The following HOOK1 variants were observed in gnomAD, a reference collection of about 807,000 sequenced individuals.
HOOK1 encodes the protein protein Hook homolog 1.
HOOK1 carries 60 observed loss-of-function variants against 112.8 expected under a neutral mutation model. The observed-to-expected ratio is 0.53, with a 90% CI of 0.43 to 0.66. HOOK1 has a LOEUF of 0.66. Among genes scored for constraint, HOOK1 ranks in the 30% least tolerant of loss-of-function variants. The probability of loss-of-function intolerance (pLI) is 0.00; values close to 1 mark genes in which losing one functional copy is unlikely to be tolerated. For synonymous variants in HOOK1, 294 were observed against 283.8 expected, an observed-to-expected ratio of 1.04 and a Z score of -0.36; for missense variants, 770 against 856.0, an observed-to-expected ratio of 0.90 and a Z score of 1.25.
chr1:59,836,879 A>T lies in HOOK1; in HGVS notation c.481A>T (p.Ser161Cys). The change falls in exon 7 of 22, where the codon AGT becomes TGT. Residue 161 changes from serine (S) to cysteine (C), a missense_variant. Transcript: ENST00000371208. ...VVMTAIQELM[S>C]KEILSSPPND... Reference sequence around the variant, plus strand: ...TATTATTTTAATTTCCTAGTTGATGAGTAAAGAAATATTGAGCTCTCCTCC... The same window carrying T: ...TATTATTTTAATTTCCTAGTTGATGTGTAAAGAAATATTGAGCTCTCCTCC... The T allele has an allele frequency of 6.4e-7, 1 of 1,559,270 alleles. No individual in the cohort carries two copies. The highest frequency in any genetic ancestry group is 8.8e-7 in the Non-Finnish European group (1 of 1,135,632).
rs1460612114 is a variant in HOOK1 at position 59,855,983 on chromosome 1, TA to T, written c.1243-2444del. Among the ~76,000 whole-genome samples the T allele has an allele frequency of 3.3e-3, 299 of 90,492 alleles. 8 individuals are homozygous for T. The highest frequency in any genetic ancestry group is 0.013 in the African/African-American group (281 of 21,310). The allele number at this position is 90,492 out of a possible 152,430, so 59.4% of individuals were successfully genotyped here. On this transcript the variant is annotated intron_variant, in intron 12 of 21. Transcript: ENST00000371208. ...ATAAATTATTATATATATATATATA[TA>T]TTTTTTTTTTTTTTTTTTTTTTTTT...
intron 2 of HOOK1, among the ~76,000 whole-genome samples, chr1:59,822,372 T>C (rs1055289681): frequency 2.0e-4 from 31 of 152,208 alleles, no homozygotes; most frequent in African/African-American, 7.5e-4. Flanking sequence ...TGAAAAAATT[T>C]TTAAAGAATT....
chr1:59,828,111 TTAGAA>T (rs1430002128), intron 2 of HOOK1, among the ~76,000 whole-genome samples: 2 of 152,194 alleles, frequency 1.3e-5, no homozygotes, highest in African/African-American at 4.8e-5. Flanking sequence ...AGATATTTGT[TTAGAA>T]TAAAGTCTAT....
intron 1 of HOOK1, among the ~76,000 whole-genome samples, chr1:59,817,047 T>TC (rs1483976536): frequency 6.6e-6 from 1 of 152,224 alleles, no homozygotes; most frequent in Non-Finnish European, 1.5e-5. Context: ...GGCTTTAGAC[T>TC]CCATCCCTTC....
At position 59,847,190 on chromosome 1, in the gene HOOK1, G is replaced by T; in HGVS notation, c.929+5G>T. The T allele has an allele frequency of 6.3e-7, 1 of 1,589,272 alleles. No homozygotes were observed. ...AGATGAAATAGATGTTCTTAGGTAT[G>T]GCATGTCTTAAAAAATATAATTATG... On this transcript the variant is annotated splice_donor_5th_base_variant and intron_variant, in intron 10 of 21. Coordinates refer to ENST00000371208, the MANE Select transcript of HOOK1 (RefSeq NM_015888.6).
At chr1:59,857,152 A>G (rs1255619333) in intron 12 of HOOK1, among the ~76,000 whole-genome samples, 1 of 152,164 alleles carries the variant, frequency 6.6e-6, no homozygotes, top group African/African-American at 2.4e-5. Context: ...AATCATGAAG[A>G]GTCCCTACAA....
intron 12 of HOOK1, among the ~76,000 whole-genome samples, chr1:59,850,868 G>A (rs2098406803): frequency 6.6e-6 from 1 of 151,346 alleles, no homozygotes; most frequent in Admixed American, 6.6e-5. Flanking sequence ...AGGGTAAGAG[G>A]AATGTAAAAG....
chr1:59,816,729 G>A (rs976503290), intron 1 of HOOK1, among the ~76,000 whole-genome samples: 5 of 152,198 alleles, frequency 3.3e-5, no homozygotes, highest in Admixed American at 6.5e-5. Context: ...GTAAAATTCC[G>A]TAAAAGCTGC....
intron 16 of HOOK1, 132 bp downstream of exon 16, chr1:59,863,009 C>T: frequency 2.0e-6 from 1 of 496,032 alleles, no homozygotes; most frequent in Non-Finnish European, 3.7e-6. Context: ...CCGTATATAT[C>T]TGCATAATAG....
intron 12 of HOOK1, among the ~76,000 whole-genome samples, chr1:59,853,618 T>A (rs1232096996): frequency 6.6e-6 from 1 of 152,046 alleles, no homozygotes; most frequent in Non-Finnish European, 1.5e-5. Context: ...AGCATTTAGG[T>A]CTACCATTTT....
chr1:59,845,768 T>A (rs78604047), intron 9 of HOOK1, among the ~76,000 whole-genome samples: 12,178 of 151,908 alleles, frequency 0.08, 521 homozygotes, highest in African/African-American at 0.13. Flanking sequence ...TAGATTCAGT[T>A]AATAATTTGA....
In HOOK1 at chr1:59,815,871, T is replaced by C. The variant is rs555431223; in HGVS notation, c.63+691T>C. Among the ~76,000 whole-genome samples the C allele has an allele frequency of 1.3e-4, 20 of 152,254 alleles. No individual in the cohort carries two copies. In the South Asian group the frequency reaches 4.1e-3, roughly 32 times the overall value. On this transcript the variant is annotated intron_variant, in intron 1 of 21. Coordinates refer to ENST00000371208, the MANE Select transcript of HOOK1 (RefSeq NM_015888.6). Reference sequence around the variant, plus strand: ...AAGAAAATGAGTTGACATTTTTCTTTAGGATTTATCTGTGTTTAGGATTTT... The same window carrying C: ...AAGAAAATGAGTTGACATTTTTCTTCAGGATTTATCTGTGTTTAGGATTTT...
chr1:59,843,403 G>C, intron 8 of HOOK1, 29 bp from the exon 9 acceptor site: 1 of 1,517,822 alleles, frequency 6.6e-7, no homozygotes, highest in South Asian at 1.2e-5. Context: ...TTTTCTACTG[G>C]TGCTTATGTA....
chr1:59,838,829 A>G (rs890461426), intron 7 of HOOK1, among the ~76,000 whole-genome samples: 27 of 152,256 alleles, frequency 1.8e-4, no homozygotes, highest in African/African-American at 5.8e-4. Context: ...TTATGGTCCT[A>G]TGTCTTACAT....
intron 9 of HOOK1, 91 bp from the exon 10 acceptor site, chr1:59,846,954 A>AACT: frequency 1.1e-6 from 1 of 919,122 alleles, no homozygotes; most frequent in Non-Finnish European, 1.6e-6. Context: ...AGTGTTATAT[A>AACT]TGCATTTGCA....
intron 12 of HOOK1, among the ~76,000 whole-genome samples, chr1:59,857,433 A>G (rs891013179): frequency 6.6e-6 from 1 of 152,236 alleles, no homozygotes; most frequent in Non-Finnish European, 1.5e-5. Flanking sequence ...AATGCTCACC[A>G]GACTGTTGTA....
intron 1 of HOOK1, among the ~76,000 whole-genome samples, chr1:59,820,911 A>G (rs1368037772): frequency 6.6e-6 from 1 of 152,200 alleles, no homozygotes. Context: ...GTTTGCTGGT[A>G]TCATTCATCT....
intron 6 of HOOK1, 40 bp downstream of exon 6, chr1:59,835,452 A>G (rs1042869335): frequency 4.7e-5 from 53 of 1,116,530 alleles, no homozygotes; most frequent in Non-Finnish European, 7.0e-5. Flanking sequence ...AAAATCCTAA[A>G]CCAAATTATA....
At chr1:59,829,028 C>T (rs2098391973) in intron 3 of HOOK1, among the ~76,000 whole-genome samples, 176 bp downstream of exon 3, 1 of 152,054 alleles carries the variant, frequency 6.6e-6, no homozygotes, top group Non-Finnish European at 1.5e-5. Flanking sequence ...GAAAATATTC[C>T]TATTAACCAA....
Sources: gnomAD v4.1 joint callset for allele counts (sites outside exome capture counted in the v4.1 genomes callset) on GRCh38, gnomAD v4.1.1 for gene constraint, MANE v1.5 for transcripts, NCBI Gene and HGNC (gene_info 2026-07-23, HGNC 2026-07-21) for gene names.